The following RNF150 variants were observed in gnomAD, a reference collection of about 807,000 sequenced individuals.
RNF150 encodes the protein ring finger protein 150.
RNF150 carries 24 observed loss-of-function variants against 39.3 expected under a neutral mutation model. That is an observed-to-expected ratio of 0.61 (90% CI 0.44 to 0.86). RNF150 has a LOEUF of 0.86. Ranked by LOEUF, RNF150 falls within the 40% of genes least tolerant of loss-of-function variation. RNF150 has a pLI of 0.00. For synonymous variants in RNF150, 255 were observed against 227.3 expected, an observed-to-expected ratio of 1.12 and a Z score of -1.10; for missense variants, 502 against 587.8, an observed-to-expected ratio of 0.85 and a Z score of 1.51.
intron 1 of RNF150, among the ~76,000 whole-genome samples, chr4:141,195,065 T>A (rs1365183792): frequency 1.3e-5 from 2 of 151,712 alleles, no homozygotes; most frequent in African/African-American, 4.8e-5. Flanking sequence ...ATTAAGGCCT[T>A]TCTACACTTT....
intron 1 of RNF150, among the ~76,000 whole-genome samples, chr4:141,159,808 T>C (rs771291183): frequency 6.6e-6 from 1 of 152,188 alleles, no homozygotes; most frequent in South Asian, 2.1e-4. Flanking sequence ...CCTCCCAAAG[T>C]GTTGGGATTA....
intron 6 of RNF150, among the ~76,000 whole-genome samples, chr4:140,895,535 A>G (rs528127114): frequency 6.6e-6 from 1 of 152,302 alleles, no homozygotes; most frequent in Non-Finnish European, 1.5e-5. Context: ...AGAAAAATAG[A>G]GTTCCTACCA....
chr4:140,919,727 A>G (rs1254074604), intron 5 of RNF150, among the ~76,000 whole-genome samples: 1 of 150,438 alleles, frequency 6.6e-6, no homozygotes, highest in Admixed American at 6.6e-5. Context: ...CCGCATTGCC[A>G]AGCCAATCCT....
chr4:141,117,306 G>A (rs1460751671), intron 1 of RNF150, among the ~76,000 whole-genome samples: 1 of 152,050 alleles, frequency 6.6e-6, no homozygotes, highest in African/African-American at 2.4e-5. Context: ...AATAACAATG[G>A]CAAATTATCA....
At chr4:140,973,958 T>C (rs1476297841) in intron 1 of RNF150, among the ~76,000 whole-genome samples, 2 of 151,486 alleles carry the variant, frequency 1.3e-5, no homozygotes, top group African/African-American at 4.9e-5. Context: ...CCTCTGATGG[T>C]GTCATCTTAT....
At chr4:140,899,986 G>C (rs948109540) in intron 6 of RNF150, among the ~76,000 whole-genome samples, 20 of 82,282 alleles carry the variant, frequency 2.4e-4, no homozygotes, top group South Asian at 9.0e-4. Context: ...GTGTGTGTGT[G>C]TGTGTGTGTG....
At chr4:141,171,460 AAGAGAGAGAGAG>A (rs67118049) in intron 1 of RNF150, among the ~76,000 whole-genome samples, 77 of 148,932 alleles carry the variant, frequency 5.2e-4, no homozygotes, top group Middle Eastern at 3.4e-3. Flanking sequence ...GACAGACAGA[AAGAGAGAGAGAG>A]AGAGAGAGAG....
chr4:140,961,089 C>G (rs1733004287), intron 2 of RNF150, among the ~76,000 whole-genome samples: 1 of 152,086 alleles, frequency 6.6e-6, no homozygotes, highest in Non-Finnish European at 1.5e-5. Flanking sequence ...AGCTATTACC[C>G]TCTACCAGAT....
intron 1 of RNF150, among the ~76,000 whole-genome samples, chr4:141,098,655 T>C (rs1489125223): frequency 6.6e-6 from 1 of 152,222 alleles, no homozygotes; most frequent in Non-Finnish European, 1.5e-5. Flanking sequence ...ATATCTAATC[T>C]CAACTCTACA....
At chr4:141,108,099 T>C (rs1739270947) in intron 1 of RNF150, among the ~76,000 whole-genome samples, 1 of 152,164 alleles carries the variant, frequency 6.6e-6, no homozygotes. Flanking sequence ...TAGCATATCA[T>C]TCAGGGAGAA....
chr4:140,935,049 ATATAT>A (rs1456377155), intron 4 of RNF150, among the ~76,000 whole-genome samples: 9 of 54,150 alleles, frequency 1.7e-4, no homozygotes, highest in South Asian at 6.1e-4. Context: ...ATATATAAAT[ATATAT>A]ATTATATATA....
intron 5 of RNF150, among the ~76,000 whole-genome samples, chr4:140,918,087 C>G (rs368024714): frequency 6.6e-6 from 1 of 151,906 alleles, no homozygotes; most frequent in African/African-American, 2.4e-5. Context: ...CAAGAGAAAG[C>G]AGGCAAGATC....
At chr4:141,111,486 C>T (rs1739381808) in intron 1 of RNF150, among the ~76,000 whole-genome samples, 1 of 151,856 alleles carries the variant, frequency 6.6e-6, no homozygotes, top group Non-Finnish European at 1.5e-5. Context: ...GCTTGCATTG[C>T]GAGGGCCTTC....
At chr4:141,186,321 G>A (rs1728011610) in intron 1 of RNF150, among the ~76,000 whole-genome samples, 2 of 152,178 alleles carry the variant, frequency 1.3e-5, no homozygotes, top group South Asian at 4.1e-4. Context: ...TTTGCATAGA[G>A]GTGTTCATAG....
At chr4:140,897,222 T>A (rs150152136) in intron 6 of RNF150, among the ~76,000 whole-genome samples, 40 of 152,316 alleles carry the variant, frequency 2.6e-4, no homozygotes, top group African/African-American at 8.7e-4. Flanking sequence ...CCAGTACCCC[T>A]GCATACAATT....
chr4:140,919,055 T>C (rs1027591460), intron 5 of RNF150, among the ~76,000 whole-genome samples: 8 of 151,418 alleles, frequency 5.3e-5, no homozygotes, highest in African/African-American at 1.9e-4. Flanking sequence ...AAGAGCTATC[T>C]ATGACAAACC....
chr4:141,152,605 C>T (rs984630090), intron 1 of RNF150, among the ~76,000 whole-genome samples: 4 of 152,072 alleles, frequency 2.6e-5, no homozygotes, highest in African/African-American at 7.2e-5. Context: ...CTATGAATTA[C>T]GTAATGAGAT....
intron 1 of RNF150, among the ~76,000 whole-genome samples, chr4:141,080,678 G>A (rs1394296592): frequency 6.6e-6 from 1 of 152,160 alleles, no homozygotes; most frequent in East Asian, 1.9e-4. Context: ...TTAGATTTGT[G>A]TGAGAAAGGG....
intron 1 of RNF150, among the ~76,000 whole-genome samples, chr4:141,066,184 A>G (rs1035225897): frequency 8.6e-5 from 13 of 152,036 alleles, no homozygotes; most frequent in Non-Finnish European, 1.2e-4. Context: ...CTCTGGATGC[A>G]AGAACATTAG....
Sources: gnomAD v4.1 joint callset for allele counts (sites outside exome capture counted in the v4.1 genomes callset) on GRCh38, gnomAD v4.1.1 for gene constraint, MANE v1.5 for transcripts, NCBI Gene and HGNC (gene_info 2026-07-23, HGNC 2026-07-21) for gene names.